Variants in ADCY8 observed in about 807,000 individuals in gnomAD.
The protein encoded by ADCY8 is adenylate cyclase type 8.
In ADCY8, 51 loss-of-function variants were observed where a neutral mutation model predicts 119.7. The ratio of observed to expected loss-of-function variants is 0.43; its 90% CI spans 0.34 to 0.54. ADCY8 has a LOEUF of 0.54. Ranked by LOEUF, ADCY8 falls within the 20% of genes least tolerant of loss-of-function variation. ADCY8 has a pLI of 0.03. For missense variants in ADCY8, 1,383 were observed against 1,598.8 expected (o/e 0.87, Z 2.30); for synonymous variants, 665 against 651.0 (o/e 1.02, Z -0.33).
At chr8:130,972,083 C>A (rs1461191259) in intron 2 of ADCY8, among the ~76,000 whole-genome samples, 2 of 152,136 alleles carry the variant, frequency 1.3e-5, no homozygotes, top group African/African-American at 4.8e-5. Flanking sequence ...ACCCTAGAAG[C>A]CTCTTGTGTC....
intron 5 of ADCY8, among the ~76,000 whole-genome samples, chr8:130,916,669 C>T (rs1820139174): frequency 6.6e-6 from 1 of 152,236 alleles, no homozygotes; most frequent in Admixed American, 6.5e-5. Context: ...AGGGCGGAAA[C>T]CGCTTAAAGG....
intron 14 of ADCY8, among the ~76,000 whole-genome samples, chr8:130,804,637 T>C (rs1231070354): frequency 2.6e-5 from 4 of 152,352 alleles, no homozygotes; most frequent in African/African-American, 9.6e-5. Context: ...CTTTGGTTTA[T>C]GCCCTGTGAT....
At chr8:131,020,653 G>A (rs911924450) in intron 1 of ADCY8, among the ~76,000 whole-genome samples, 2 of 152,210 alleles carry the variant, frequency 1.3e-5, no homozygotes, top group African/African-American at 4.8e-5. Context: ...AACTTCAAGA[G>A]TCAGAATCAT....
At chr8:130,851,948 A>G (rs1817542836) in intron 9 of ADCY8, among the ~76,000 whole-genome samples, 1 of 152,152 alleles carries the variant, frequency 6.6e-6, no homozygotes, top group Non-Finnish European at 1.5e-5. Context: ...TGGAGGGAAT[A>G]GGTGGTGATT....
chr8:130,985,027 C>T (rs189755666), intron 2 of ADCY8, among the ~76,000 whole-genome samples: 25 of 152,116 alleles, frequency 1.6e-4, no homozygotes, highest in Admixed American at 1.3e-3. Flanking sequence ...GGATGCCTAC[C>T]TTTAAGTGTT....
intron 9 of ADCY8, among the ~76,000 whole-genome samples, chr8:130,857,387 C>T (rs920943434): frequency 2.0e-5 from 3 of 152,122 alleles, no homozygotes; most frequent in African/African-American, 7.2e-5. Flanking sequence ...AGTTTAGTCT[C>T]ATCCATTTTT....
At chr8:131,021,150 T>A (rs1275174891) in intron 1 of ADCY8, among the ~76,000 whole-genome samples, 1 of 152,208 alleles carries the variant, frequency 6.6e-6, no homozygotes, top group Non-Finnish European at 1.5e-5. Flanking sequence ...TTAGAAATTA[T>A]ATTAGATATT....
intron 1 of ADCY8, among the ~76,000 whole-genome samples, chr8:131,007,481 A>G (rs532127176): frequency 6.6e-6 from 1 of 152,324 alleles, no homozygotes; most frequent in South Asian, 2.1e-4. Flanking sequence ...CAAACAACCT[A>G]CACTGCACAA....
chr8:131,037,821 A>G (rs946994332), intron 1 of ADCY8, among the ~76,000 whole-genome samples: 1 of 152,212 alleles, frequency 6.6e-6, no homozygotes. Context: ...AATAGTTAAT[A>G]CCAAAGAATT....
At chr8:130,899,227 A>G (rs951564181) in intron 7 of ADCY8, among the ~76,000 whole-genome samples, 1 of 152,314 alleles carries the variant, frequency 6.6e-6, no homozygotes, top group Middle Eastern at 3.4e-3. Context: ...TCTGTATGCT[A>G]TATACTCCCT....
At chr8:130,821,980 G>T (rs143815025) in intron 12 of ADCY8, among the ~76,000 whole-genome samples, 1 of 152,166 alleles carries the variant, frequency 6.6e-6, no homozygotes, top group Non-Finnish European at 1.5e-5. Flanking sequence ...AACAATAGAT[G>T]ATACTAATTA....
intron 8 of ADCY8, among the ~76,000 whole-genome samples, chr8:130,874,334 T>TAAAA (rs1181988597): frequency 9.3e-5 from 14 of 150,442 alleles, no homozygotes; most frequent in Admixed American, 6.7e-4. Context: ...AATAAATAAA[T>TAAAA]AAATAAATAA....
At chr8:130,937,725 T>C (rs1013424710) in intron 4 of ADCY8, among the ~76,000 whole-genome samples, 3 of 152,368 alleles carry the variant, frequency 2.0e-5, no homozygotes, top group African/African-American at 7.2e-5. Context: ...TCTTCTTATA[T>C]ATCCTTTTAT....
rs973779120 is a variant in ADCY8 at position 130,881,364 on chromosome 8, C to T, written c.2109+3200G>A. On this transcript the variant is annotated intron_variant, in intron 8 of 17. Coordinates refer to ENST00000286355, the MANE Select transcript of ADCY8 (RefSeq NM_001115.3). Reference sequence around the variant, plus strand: ...ACCAGGGAATGTGTGAATGATATTTCTGTACATTTCGATGGAGCTTTGTTC... The same window carrying T: ...ACCAGGGAATGTGTGAATGATATTTTTGTACATTTCGATGGAGCTTTGTTC... Among the ~76,000 whole-genome samples, 3 of 152,140 alleles carry T rather than the reference C, an allele frequency of 2.0e-5. No individual in the cohort carries two copies. The South Asian group carries it at 6.2e-4, about 32-fold the overall frequency.
intron 3 of ADCY8, among the ~76,000 whole-genome samples, chr8:130,943,788 CTT>C (rs1821030110): frequency 2.6e-5 from 4 of 152,140 alleles, no homozygotes; most frequent in Admixed American, 6.5e-5. Context: ...CAAGATGAAA[CTT>C]TATGAATTAT....
At chr8:130,841,851 A>T (rs932507161) in intron 11 of ADCY8, among the ~76,000 whole-genome samples, 2 of 152,218 alleles carry the variant, frequency 1.3e-5, no homozygotes, top group Non-Finnish European at 2.9e-5. Context: ...ATTCTTAGCA[A>T]CTGTAGCTCT....
chr8:130,782,473 T>C (rs1236799437), intron 17 of ADCY8, among the ~76,000 whole-genome samples: 2 of 152,214 alleles, frequency 1.3e-5, no homozygotes, highest in East Asian at 3.8e-4. Context: ...ATTGAGATGC[T>C]TAATTCAGTT....
chr8:130,836,224 C>A, intron 12 of ADCY8, 53 bp downstream of exon 12: 1 of 1,526,616 alleles, frequency 6.6e-7, no homozygotes, highest in Non-Finnish European at 8.9e-7. Flanking sequence ...CCAACAATTC[C>A]ACTTCCCACA....
At chr8:130,793,766 A>G (rs1815494866) in intron 15 of ADCY8, among the ~76,000 whole-genome samples, 1 of 152,206 alleles carries the variant, frequency 6.6e-6, no homozygotes, top group Non-Finnish European at 1.5e-5. Context: ...AGTAGAACAT[A>G]TTAGTTTAGA....
Sources: gnomAD v4.1 joint callset for allele counts (sites outside exome capture counted in the v4.1 genomes callset) on GRCh38, gnomAD v4.1.1 for gene constraint, MANE v1.5 for transcripts, NCBI Gene and HGNC (gene_info 2026-07-23, HGNC 2026-07-21) for gene names.